The following SLC9A2 variants were observed in gnomAD, a reference collection of about 807,000 sequenced individuals.
SLC9A2 encodes the protein sodium/hydrogen exchanger 2.
Under a neutral mutation model 71.7 loss-of-function variants are expected in SLC9A2, and 42 were observed. That is an observed-to-expected ratio of 0.59 (90% CI 0.46 to 0.76). The LOEUF is 0.76. Ranked by LOEUF, SLC9A2 falls within the 30% of genes least tolerant of loss-of-function variation. The probability of loss-of-function intolerance (pLI) is 0.00; values close to 1 mark genes in which losing one functional copy is unlikely to be tolerated. For synonymous variants in SLC9A2, 396 were observed against 392.5 expected, an observed-to-expected ratio of 1.01 and a Z score of -0.10; for missense variants, 829 against 1,017.4, an observed-to-expected ratio of 0.81 and a Z score of 2.52.
chr2:102,705,976 T>C, intron 11 of SLC9A2, 40 bp downstream of exon 11: 1 of 1,239,496 alleles, frequency 8.1e-7, no homozygotes, highest in Non-Finnish European at 1.1e-6. Flanking sequence ...TTAAATTTAT[T>C]TGCCAATGTT....
At chr2:102,654,884 T>C (rs1487026279) in intron 1 of SLC9A2, among the ~76,000 whole-genome samples, 1 of 152,212 alleles carries the variant, frequency 6.6e-6, no homozygotes. Context: ...ACAACGATTA[T>C]TTATGTATTT....
chr2:102,652,561 C>G (rs192359222), intron 1 of SLC9A2, among the ~76,000 whole-genome samples: 47 of 152,284 alleles, frequency 3.1e-4, no homozygotes, highest in African/African-American at 1.1e-3. Context: ...AACCCTCACA[C>G]CCCCACTTCT....
intron 1 of SLC9A2, among the ~76,000 whole-genome samples, chr2:102,637,946 G>A (rs1422422208): frequency 6.6e-6 from 1 of 152,230 alleles, no homozygotes; most frequent in Admixed American, 6.5e-5. Context: ...GGAGCAAGCT[G>A]GACAGCCAGC....
At chr2:102,676,159 T>A (rs966280336) in intron 3 of SLC9A2, among the ~76,000 whole-genome samples, 1 of 152,216 alleles carries the variant, frequency 6.6e-6, no homozygotes, top group Non-Finnish European at 1.5e-5. Flanking sequence ...TGCAGGATTG[T>A]TGCATGCAGG....
At chr2:102,682,586 G>C (rs1170520736) in intron 3 of SLC9A2, among the ~76,000 whole-genome samples, 75 of 152,186 alleles carry the variant, frequency 4.9e-4, no homozygotes, top group Non-Finnish European at 1.5e-4. Flanking sequence ...GAAATACTTG[G>C]AAGAATAAGC....
intron 11 of SLC9A2, among the ~76,000 whole-genome samples, chr2:102,706,953 T>A (rs970757858): frequency 5.9e-5 from 9 of 152,334 alleles, no homozygotes; most frequent in African/African-American, 1.9e-4. Flanking sequence ...TAGGATTTCA[T>A]GTTATTAAAA....
Position 102,632,025 on chromosome 2 carries a change from T to G in SLC9A2, c.289+11888T>G, listed in dbSNP as rs1303491953. Among the ~76,000 whole-genome samples the G allele has an allele frequency of 1.2e-4, 11 of 89,236 alleles. 1 individual carries two copies. The highest frequency in any genetic ancestry group is 4.6e-4 in the African/African-American group (11 of 23,846). 58.5% of individuals were successfully genotyped at this position (89,236 alleles called of 152,430 possible). ...ATATATATATATATATATATATATA[T>G]ATATATATATATACATACACACACA... On this transcript the variant is annotated intron_variant, in intron 1 of 11. Coordinates refer to ENST00000233969, the MANE Select transcript of SLC9A2 (RefSeq NM_003048.6).
intron 7 of SLC9A2, among the ~76,000 whole-genome samples, chr2:102,697,688 G>A (rs1056214857): frequency 1.4e-5 from 2 of 146,898 alleles, no homozygotes; most frequent in Admixed American, 6.7e-5. Context: ...AGTGGGTGCG[G>A]GGGGATGTGG....
intron 5 of SLC9A2, among the ~76,000 whole-genome samples, chr2:102,687,936 C>T (rs1456660922): frequency 2.0e-5 from 3 of 152,158 alleles, no homozygotes; most frequent in Non-Finnish European, 2.9e-5. Context: ...TCCACCATCA[C>T]GCCCAGCTAA....
rs1678022793 is a variant in SLC9A2, at chr2:102,708,229, T to C, written c.2179T>C (p.Tyr727His). 7 of 1,614,044 alleles carry C rather than the reference T, an allele frequency of 4.3e-6. No homozygotes were observed. Among genetic ancestry groups the C allele is most frequent in the Non-Finnish European group, 4.2e-6 (5 of 1,180,012 alleles). ...GTTCTCCAAGAAATCCCCCCAGTCC[T>C]ATAAAATGGAATGGAAGAATGAGGT... ...EQFSKKSPQS[Y>H]KMEWKNEVDV... Residue 727 changes from tyrosine to histidine, a missense_variant, in exon 12 of 12, where the codon TAT becomes CAT. By Grantham distance (83) the Tyr-to-His change is moderately conservative. Around this residue, in one of 3 missense-constraint regions of SLC9A2, gnomAD observed 223 missense variants for 197.5 expected, o/e 1.13. Transcript: ENST00000233969.
At chr2:102,669,523 A>G (rs1198177894) in intron 3 of SLC9A2, among the ~76,000 whole-genome samples, 3 of 152,192 alleles carry the variant, frequency 2.0e-5, no homozygotes, top group African/African-American at 7.2e-5. Context: ...GAAAGTTTCC[A>G]TAGCCCCTTA....
At chr2:102,681,114 G>C (rs1677445283) in intron 3 of SLC9A2, among the ~76,000 whole-genome samples, 1 of 152,210 alleles carries the variant, frequency 6.6e-6, no homozygotes, top group African/African-American at 2.4e-5. Context: ...ATAGGAGATG[G>C]ATACAAACAG....
At chr2:102,670,438 A>C (rs776091493) in intron 3 of SLC9A2, among the ~76,000 whole-genome samples, 141 of 152,146 alleles carry the variant, frequency 9.3e-4, no homozygotes, top group Non-Finnish European at 1.4e-3. Context: ...TATTGCAAAG[A>C]AAGTAGAAAA....
At chr2:102,699,510 C>T (rs1677833326) in intron 7 of SLC9A2, among the ~76,000 whole-genome samples, 3 of 152,152 alleles carry the variant, frequency 2.0e-5, no homozygotes, top group Admixed American at 2.0e-4. Context: ...AGCAGGAATG[C>T]CAATTTGGTG....
intron 2 of SLC9A2, among the ~76,000 whole-genome samples, chr2:102,659,352 G>T (rs1233316753): frequency 6.6e-6 from 1 of 151,856 alleles, no homozygotes; most frequent in Non-Finnish European, 1.5e-5. Context: ...GAAGTGAGAG[G>T]ATCGCTTGGG....
At chr2:102,679,828 A>G (rs1677416980) in intron 3 of SLC9A2, among the ~76,000 whole-genome samples, 1 of 152,250 alleles carries the variant, frequency 6.6e-6, no homozygotes, top group Non-Finnish European at 1.5e-5. Context: ...ACATTTAGAG[A>G]AACACTATTC....
chr2:102,695,807 T>TATA (rs1411953231), intron 7 of SLC9A2, among the ~76,000 whole-genome samples: 1 of 88,616 alleles, frequency 1.1e-5, no homozygotes, highest in South Asian at 3.6e-4. Context: ...ATATTATATA[T>TATA]ATATATAATA....
chr2:102,688,450 C>A (rs1677593433), intron 5 of SLC9A2, among the ~76,000 whole-genome samples: 1 of 152,132 alleles, frequency 6.6e-6, no homozygotes, highest in Non-Finnish European at 1.5e-5. Flanking sequence ...TATAACGAGG[C>A]CATGTGCAGT....
chr2:102,633,256 A>C (rs1324805695), intron 1 of SLC9A2, among the ~76,000 whole-genome samples: 1 of 152,086 alleles, frequency 6.6e-6, no homozygotes, highest in Non-Finnish European at 1.5e-5. Context: ...AGCTTAGGTA[A>C]CTTGTCCAAG....
Sources: gnomAD v4.1 joint callset for allele counts (sites outside exome capture counted in the v4.1 genomes callset) on GRCh38, gnomAD v4.1.1 for gene constraint, gnomAD v4.1.1 regional missense constraint, MANE v1.5 for transcripts, NCBI Gene and HGNC (gene_info 2026-07-23, HGNC 2026-07-21) for gene names.